Variants in LDB2 observed in about 807,000 individuals in gnomAD.
The protein encoded by LDB2 is LIM domain binding 2.
LDB2 carries 12 observed loss-of-function variants against 44.3 expected under a neutral mutation model. That is an observed-to-expected ratio of 0.27 (90% confidence interval 0.17 to 0.44). The LOEUF is 0.44. Ranked by LOEUF, LDB2 falls within the 20% of genes least tolerant of loss-of-function variation. The pLI is 1.00. For synonymous variants in LDB2, 164 were observed against 174.8 expected, an observed-to-expected ratio of 0.94 and a Z score of 0.49; for missense variants, 344 against 473.5, an observed-to-expected ratio of 0.73 and a Z score of 2.54.
chr4:16,512,570 A>G (rs576025387), intron 5 of LDB2, among the ~76,000 whole-genome samples: 1 of 152,374 alleles, frequency 6.6e-6, no homozygotes, highest in East Asian at 1.9e-4. Context: ...ATGCTAGTTT[A>G]TGCAGATTGG....
intron 2 of LDB2, among the ~76,000 whole-genome samples, chr4:16,691,064 C>A (rs1013640842): frequency 6.6e-6 from 1 of 152,090 alleles, no homozygotes; most frequent in Non-Finnish European, 1.5e-5. Context: ...TGTTGCATAA[C>A]TACAAGGTGT....
intron 1 of LDB2, among the ~76,000 whole-genome samples, chr4:16,850,057 ATGC>A (rs1440533856): frequency 6.6e-6 from 1 of 152,224 alleles, no homozygotes; most frequent in Non-Finnish European, 1.5e-5. Context: ...AAGAGGTGAT[ATGC>A]TATAAACATC....
At chr4:16,677,946 T>G (rs1015244727) in intron 2 of LDB2, among the ~76,000 whole-genome samples, 1 of 152,226 alleles carries the variant, frequency 6.6e-6, no homozygotes, top group Non-Finnish European at 1.5e-5. Flanking sequence ...AAATTTACAT[T>G]GAAGGGTCTG....
At position 16,810,702 on chromosome 4, in the gene LDB2, C is replaced by T. The variant is rs207693; in HGVS notation, c.133-51442G>A. ...ACTATTAATACCGCCCTTAGAAAGA[C>T]GAACAGTTATCAAATCAGAAAAAGG... On this transcript the variant is annotated intron_variant, in intron 1 of 7. Coordinates refer to ENST00000304523, the MANE Select transcript of LDB2 (RefSeq NM_001290.5). 2.9e-4 allele frequency among the ~76,000 whole-genome samples: 5 copies of T among 16,978 alleles called. No homozygotes were observed. In the Non-Finnish European group the frequency reaches 3.2e-3, roughly 11 times the overall value. 11.1% of individuals were successfully genotyped at this position (16,978 alleles called of 152,430 possible). A position where few individuals can be genotyped will look rare whatever the true frequency, so the allele number is the denominator to read the frequency against.
chr4:16,655,540 A>G (rs1255764000), intron 2 of LDB2, among the ~76,000 whole-genome samples: 1 of 152,230 alleles, frequency 6.6e-6, no homozygotes, highest in African/African-American at 2.4e-5. Flanking sequence ...TTTTAAAATG[A>G]GTGTCATTTG....
At chr4:16,850,746 G>T (rs757101224) in intron 1 of LDB2, among the ~76,000 whole-genome samples, 6 of 152,182 alleles carry the variant, frequency 3.9e-5, no homozygotes, top group Non-Finnish European at 7.3e-5. Flanking sequence ...GGATGGTGGG[G>T]TCATTCACTG....
At chr4:16,759,338 G>A in intron 1 of LDB2, 78 bp from the exon 2 acceptor site, 1 of 1,063,002 alleles carries the variant, frequency 9.4e-7, no homozygotes, top group Admixed American at 1.8e-5. Flanking sequence ...GGAAGAGAAA[G>A]AAAAACTCAG....
chr4:16,754,151 C>T (rs1766020621), intron 2 of LDB2, among the ~76,000 whole-genome samples: 1 of 152,208 alleles, frequency 6.6e-6, no homozygotes, highest in Non-Finnish European at 1.5e-5. Flanking sequence ...TCTTCTGCCC[C>T]ACACATTCTT....
intron 2 of LDB2, among the ~76,000 whole-genome samples, chr4:16,632,175 A>C (rs564475226): frequency 1.8e-4 from 28 of 152,354 alleles, no homozygotes; most frequent in African/African-American, 4.8e-4. Context: ...ATCAATGCAA[A>C]AATCCTCAAT....
At chr4:16,554,222 G>A (rs564983714) in intron 5 of LDB2, among the ~76,000 whole-genome samples, 1 of 152,010 alleles carries the variant, frequency 6.6e-6, no homozygotes, top group Non-Finnish European at 1.5e-5. Flanking sequence ...GGCTAATTTT[G>A]TATTCTTAGT....
intron 5 of LDB2, among the ~76,000 whole-genome samples, chr4:16,523,266 G>C (rs1726957590): frequency 6.6e-6 from 1 of 152,118 alleles, no homozygotes; most frequent in African/African-American, 2.4e-5. Context: ...TAACCTATAT[G>C]TAGATACCTA....
chr4:16,655,917 T>TTTTTTTTTG (rs1739687689), intron 2 of LDB2, among the ~76,000 whole-genome samples: 1 of 148,046 alleles, frequency 6.8e-6, no homozygotes, highest in African/African-American at 2.5e-5. Flanking sequence ...TTTTTTTTTT[T>TTTTTTTTTG]GAGATGGAGT....
At chr4:16,769,603 A>ATT (rs58284488) in intron 1 of LDB2, among the ~76,000 whole-genome samples, 12 of 137,010 alleles carry the variant, frequency 8.8e-5, no homozygotes, top group South Asian at 4.7e-4. Flanking sequence ...GCCCTATGGG[A>ATT]TTTTTTTTTT....
intron 2 of LDB2, among the ~76,000 whole-genome samples, chr4:16,756,386 G>A (rs370952202): frequency 1.1e-4 from 16 of 152,128 alleles, no homozygotes; most frequent in African/African-American, 3.9e-4. Context: ...CCCAGAAGTG[G>A]AGGTTGCAGT....
intron 1 of LDB2, among the ~76,000 whole-genome samples, chr4:16,821,100 C>A (rs1010314545): frequency 6.6e-6 from 1 of 152,096 alleles, no homozygotes; most frequent in African/African-American, 2.4e-5. Flanking sequence ...AGAGAATGTG[C>A]AAAGTTGGAG....
intron 5 of LDB2, among the ~76,000 whole-genome samples, chr4:16,555,513 A>G (rs1739257757): frequency 1.3e-5 from 2 of 152,228 alleles, no homozygotes; most frequent in African/African-American, 4.8e-5. Flanking sequence ...TGCTAATCAC[A>G]TGAAGTGTGT....
intron 2 of LDB2, among the ~76,000 whole-genome samples, chr4:16,619,550 T>C (rs1728274184): frequency 6.6e-6 from 1 of 152,224 alleles, no homozygotes; most frequent in South Asian, 2.1e-4. Flanking sequence ...CAAGGTTCAT[T>C]ATAGTGGAGA....
At chr4:16,641,047 GA>G (rs1296732721) in intron 2 of LDB2, among the ~76,000 whole-genome samples, 1 of 151,994 alleles carries the variant, frequency 6.6e-6, no homozygotes, top group Non-Finnish European at 1.5e-5. Context: ...AAACTATAAG[GA>G]AAAAAAGAAC....
chr4:16,665,474 C>A (rs1742835967), intron 2 of LDB2, among the ~76,000 whole-genome samples: 1 of 152,060 alleles, frequency 6.6e-6, no homozygotes, highest in Non-Finnish European at 1.5e-5. Flanking sequence ...ACCATGTTGG[C>A]CAGGATGGCC....
Sources: allele counts gnomAD v4.1 joint callset (sites outside exome capture counted in the v4.1 genomes callset), GRCh38; gene constraint gnomAD v4.1.1; transcripts MANE v1.5; gene names NCBI Gene and HGNC (gene_info 2026-07-23, HGNC 2026-07-21).